The following PDZD2 variants were observed in gnomAD, a reference collection of about 807,000 sequenced individuals.
The protein encoded by PDZD2 is PDZ domain containing 2.
In PDZD2, 90 loss-of-function variants were observed where a neutral mutation model predicts 220.7. That is an observed-to-expected ratio of 0.41 (90% CI 0.34 to 0.49). The LOEUF (loss-of-function observed/expected upper bound fraction) is 0.49. Ranked by LOEUF, PDZD2 falls within the 20% of genes least tolerant of loss-of-function variation. The probability of loss-of-function intolerance (pLI) is 0.28; values close to 1 mark genes in which losing one functional copy is unlikely to be tolerated. For missense variants in PDZD2, 3,174 were observed against 3,608.5 expected, an observed-to-expected ratio of 0.88 and a Z score of 3.08; for synonymous variants, 1,375 against 1,450.5, an observed-to-expected ratio of 0.95 and a Z score of 1.18.
chr5:32,110,722 A>T lies in PDZD2; in HGVS notation c.*2587A>T, dbSNP rs186085958. Reference sequence around the variant, plus strand: ...CACATCTCATTGAATTTGATGGTTGACTTAATTGGCACCATAACTTTGTAT... The same window carrying T: ...CACATCTCATTGAATTTGATGGTTGTCTTAATTGGCACCATAACTTTGTAT... On this transcript the variant is annotated 3_prime_UTR_variant, in exon 25 of 25. Transcript: ENST00000438447. 263 of 152,758 alleles carry T rather than the reference A, an allele frequency of 1.7e-3. No individual in the cohort carries two copies. Among genetic ancestry groups the T allele is most frequent in the Non-Finnish European group, 2.5e-3 (169 of 68,032 alleles). 9.5% of individuals were successfully genotyped at this position (152,758 alleles called of 1,614,324 possible). A position where few individuals can be genotyped will look rare whatever the true frequency, so the allele number is the denominator to read the frequency against.
At chr5:31,756,494 C>G (rs983701292) in intron 1 of PDZD2, among the ~76,000 whole-genome samples, 1 of 152,328 alleles carries the variant, frequency 6.6e-6, no homozygotes, top group Admixed American at 6.5e-5. Context: ...CTTGGGCCCA[C>G]AAGAAGTCCT....
intron 2 of PDZD2, among the ~76,000 whole-genome samples, chr5:31,961,924 T>C (rs63269362): frequency 5.2e-5 from 1 of 19,074 alleles, no homozygotes; most frequent in East Asian, 2.4e-3. Context: ...TCTCAGCTGC[T>C]TTTTTTTACC....
intron 2 of PDZD2, 26 bp from the exon 3 acceptor site, chr5:31,983,129 A>G: frequency 6.3e-7 from 1 of 1,598,208 alleles, no homozygotes. Flanking sequence ...GTGGGGTTCT[A>G]ACTGGCACCT....
chr5:31,742,982 G>A (rs1417089062), intron 1 of PDZD2, among the ~76,000 whole-genome samples: 1 of 152,144 alleles, frequency 6.6e-6, no homozygotes, highest in Admixed American at 6.5e-5. Context: ...GAGCTTCTAA[G>A]TGAATTCAGA....
At chr5:31,980,887 G>A (rs993723760) in intron 2 of PDZD2, among the ~76,000 whole-genome samples, 1 of 152,088 alleles carries the variant, frequency 6.6e-6, no homozygotes, top group African/African-American at 2.4e-5. Flanking sequence ...GGGTTCAAGC[G>A]ATTCTCGTGC....
intron 2 of PDZD2, among the ~76,000 whole-genome samples, chr5:31,887,375 C>T (rs933456316): frequency 1.2e-4 from 19 of 152,156 alleles, no homozygotes; most frequent in African/African-American, 4.6e-4. Context: ...TCCTGGGTCA[C>T]CCTCTCTGGA....
At chr5:32,042,753 C>T (rs977611824) in intron 7 of PDZD2, among the ~76,000 whole-genome samples, 2 of 152,164 alleles carry the variant, frequency 1.3e-5, no homozygotes, top group African/African-American at 2.4e-5. Context: ...CAGCCCCTTC[C>T]AGCCCTGAGG....
At chr5:32,002,849 CCAACACACACACACCCCACAT>C (rs1752322125) in intron 5 of PDZD2, among the ~76,000 whole-genome samples, 1 of 120,770 alleles carries the variant, frequency 8.3e-6, no homozygotes. Flanking sequence ...ACACCACACA[CCAACACACACACACCCCACAT>C]ACCACACACA....
chr5:31,704,368 A>G (rs905860731), intron 1 of PDZD2, among the ~76,000 whole-genome samples: 2 of 152,170 alleles, frequency 1.3e-5, no homozygotes, highest in African/African-American at 4.8e-5. Flanking sequence ...GTGTGTATGT[A>G]TATATGTAAA....
intron 1 of PDZD2, among the ~76,000 whole-genome samples, chr5:31,706,151 T>C (rs72755420): frequency 0.14 from 20,665 of 152,138 alleles, 1,524 homozygotes; most frequent in East Asian, 0.21. Flanking sequence ...AACGGCTGAA[T>C]GTAGTAGGTA....
chr5:31,869,857 AG>A (rs1410378868), intron 2 of PDZD2, among the ~76,000 whole-genome samples: 1 of 152,156 alleles, frequency 6.6e-6, no homozygotes, highest in South Asian at 2.1e-4. Context: ...GGGCAGAGAG[AG>A]GGGTGGGTCT....
intron 1 of PDZD2, among the ~76,000 whole-genome samples, chr5:31,733,576 T>C (rs182553374): frequency 6.6e-6 from 1 of 152,262 alleles, no homozygotes; most frequent in East Asian, 1.9e-4. Flanking sequence ...CTGGAACCAG[T>C]GTGAAAGAGG....
intron 2 of PDZD2, among the ~76,000 whole-genome samples, chr5:31,853,546 T>G (rs1341608052): frequency 2.6e-5 from 4 of 152,230 alleles, no homozygotes; most frequent in African/African-American, 9.6e-5. Flanking sequence ...CTGGGGCTGC[T>G]TCTGAGAGTG....
chr5:31,976,759 C>T (rs187569279), intron 2 of PDZD2, among the ~76,000 whole-genome samples: 12 of 138,810 alleles, frequency 8.6e-5, no homozygotes, highest in Admixed American at 3.8e-4. Context: ...CCTCGGTTGC[C>T]CAGGCTGGAG....
At chr5:31,803,607 T>C (rs906575788) in intron 2 of PDZD2, among the ~76,000 whole-genome samples, 4 of 151,844 alleles carry the variant, frequency 2.6e-5, no homozygotes, top group Admixed American at 6.6e-5. Context: ...AGGAGATAAT[T>C]GGGTATGGCT....
intron 2 of PDZD2, among the ~76,000 whole-genome samples, chr5:31,924,477 C>A (rs961681738): frequency 1.4e-4 from 21 of 152,182 alleles, no homozygotes; most frequent in Admixed American, 1.3e-4. Context: ...TGAAAAATCG[C>A]TCCTGATTCC....
At chr5:31,984,537 T>G (rs17510653) in intron 3 of PDZD2, among the ~76,000 whole-genome samples, 4 of 151,672 alleles carry the variant, frequency 2.6e-5, no homozygotes, top group Non-Finnish European at 5.9e-5. Flanking sequence ...AAGATCAAAA[T>G]GGGCGTAGGA....
Position 32,087,152 on chromosome 5 carries a change from T to C in PDZD2, c.3704T>C (p.Leu1235Pro). ...PMTELDSSSDLISSPGKKGAA... is the reference protein window; with the variant it reads ...PMTELDSSSDPISSPGKKGAA... Reference sequence around the variant, plus strand: ...GTAGAACTGGACAGCTCCTCAGACCTCATCTCTTCCCCAGGGAAGAAGGGG... The same window carrying C: ...GTAGAACTGGACAGCTCCTCAGACCCCATCTCTTCCCCAGGGAAGAAGGGG... The change falls in exon 20 of 25, where the codon CTC becomes CCC. Residue 1235 changes from leucine to proline, a missense_variant. By Grantham distance (98) the Leu-to-Pro change is moderately conservative. Around this residue, in one of 4 missense-constraint regions of PDZD2, gnomAD observed 1,861 missense variants for 2,001.0 expected, o/e 0.93. Transcript: ENST00000438447. This position sits in a 1 kb window ranked among gnomAD's most constrained non-coding sequence, Gnocchi z 4.0. The C allele has an allele frequency of 6.2e-7, 1 of 1,610,668 alleles. No homozygotes were observed. Among genetic ancestry groups the C allele is most frequent in the Non-Finnish European group, 8.5e-7 (1 of 1,177,058 alleles).
chr5:31,826,035 T>A (rs1248444226), intron 2 of PDZD2, among the ~76,000 whole-genome samples: 4 of 152,144 alleles, frequency 2.6e-5, no homozygotes, highest in Non-Finnish European at 4.4e-5. Flanking sequence ...GTACTCCTTT[T>A]TAATTAGAAA....
Sources: gnomAD v4.1 joint callset for allele counts (sites outside exome capture counted in the v4.1 genomes callset) on GRCh38, gnomAD v4.1.1 for gene constraint, gnomAD v4.1.1 regional missense constraint, Gnocchi (gnomAD v3.1) non-coding constraint, MANE v1.5 for transcripts, NCBI Gene and HGNC (gene_info 2026-07-23, HGNC 2026-07-21) for gene names.